Variants in ATP8A1 observed in about 807,000 individuals in gnomAD.
The protein encoded by ATP8A1 is phospholipid-transporting ATPase IA.
A neutral mutation model predicts 177.7 loss-of-function variants in ATP8A1; 90 were observed. The ratio of observed to expected loss-of-function variants is 0.51; its 90% CI spans 0.43 to 0.60. The LOEUF is 0.60. ATP8A1 is among the 20% of genes least tolerant of loss of function. The probability of loss-of-function intolerance (pLI) is 0.00; values close to 1 mark genes in which losing one functional copy is unlikely to be tolerated. For synonymous variants in ATP8A1, 493 were observed against 485.9 expected (o/e 1.01, Z -0.19); for missense variants, 1,072 against 1,392.8 (o/e 0.77, Z 3.67).
chr4:42,587,461 C>A (rs1310497337), intron 8 of ATP8A1, among the ~76,000 whole-genome samples: 2 of 151,886 alleles, frequency 1.3e-5, no homozygotes, highest in East Asian at 3.9e-4. Context: ...GCACATGCCA[C>A]CATGTCCGAC....
chr4:42,422,670 T>G (rs1457364865), intron 35 of ATP8A1, 137 bp downstream of exon 35: 15 of 660,134 alleles, frequency 2.3e-5, no homozygotes, highest in African/African-American at 3.6e-5. Flanking sequence ...AATCCACATG[T>G]CTCTGACTCC....
At chr4:42,541,090 C>T (rs1167453856) in intron 20 of ATP8A1, among the ~76,000 whole-genome samples, 1 of 151,890 alleles carries the variant, frequency 6.6e-6, no homozygotes, top group Non-Finnish European at 1.5e-5. Context: ...CACATCACTG[C>T]CCTCCAGCCT....
chr4:42,426,881 A>G (rs1204330143), intron 33 of ATP8A1, among the ~76,000 whole-genome samples: 3 of 152,228 alleles, frequency 2.0e-5, no homozygotes, highest in Non-Finnish European at 4.4e-5. Context: ...ATTCATCTCA[A>G]TTTGCCAATT....
chr4:42,423,518 C>A, intron 34 of ATP8A1, 99 bp downstream of exon 34: 1 of 709,602 alleles, frequency 1.4e-6, no homozygotes, highest in Non-Finnish European at 2.2e-6. Context: ...CAGTCCCTAT[C>A]CTGCAAGCTC....
chr4:42,494,694 T>C (rs1009861095), intron 24 of ATP8A1, among the ~76,000 whole-genome samples: 2 of 152,242 alleles, frequency 1.3e-5, no homozygotes, highest in Non-Finnish European at 2.9e-5. Context: ...ATTTTCTCTC[T>C]TAATTTCTGT....
chr4:42,509,977 T>C (rs1011161650), intron 22 of ATP8A1, among the ~76,000 whole-genome samples: 1 of 152,138 alleles, frequency 6.6e-6, no homozygotes, highest in African/African-American at 2.4e-5. Context: ...AAGAGAAGTG[T>C]AAATGCATGA....
At chr4:42,534,361 T>A (rs1222154939) in intron 20 of ATP8A1, among the ~76,000 whole-genome samples, 1 of 151,998 alleles carries the variant, frequency 6.6e-6, no homozygotes, top group African/African-American at 2.4e-5. Flanking sequence ...AGGCCACACT[T>A]AGAGAAATGG....
chr4:42,474,955 A>G (rs1383219433), intron 25 of ATP8A1, among the ~76,000 whole-genome samples: 1 of 152,244 alleles, frequency 6.6e-6, no homozygotes, highest in East Asian at 1.9e-4. Flanking sequence ...ATAAATGGGA[A>G]GAAATGAGGT....
chr4:42,587,186 T>C (rs1051181772), intron 8 of ATP8A1, among the ~76,000 whole-genome samples: 6 of 151,734 alleles, frequency 4.0e-5, no homozygotes, highest in African/African-American at 1.5e-4. Context: ...TGAGTGAGAG[T>C]TTTTGAATGG....
chr4:42,620,766 G>A (rs1737389686), intron 4 of ATP8A1, among the ~76,000 whole-genome samples: 1 of 152,204 alleles, frequency 6.6e-6, no homozygotes, highest in Non-Finnish European at 1.5e-5. Context: ...CATAGAGTAA[G>A]TACAACCTAG....
chr4:42,442,982 A>T (rs1012283113), intron 33 of ATP8A1, among the ~76,000 whole-genome samples: 1 of 152,202 alleles, frequency 6.6e-6, no homozygotes, highest in African/African-American at 2.4e-5. Flanking sequence ...ACACTCCCCC[A>T]TGAACACCTA....
At chr4:42,552,084 C>A (rs1232452002) in intron 17 of ATP8A1, among the ~76,000 whole-genome samples, 1 of 152,098 alleles carries the variant, frequency 6.6e-6, no homozygotes, top group African/African-American at 2.4e-5. Context: ...TTATCATTAA[C>A]AAAAGAGGAA....
intron 33 of ATP8A1, among the ~76,000 whole-genome samples, chr4:42,438,039 G>C (rs915247145): frequency 6.9e-6 from 1 of 145,838 alleles, no homozygotes; most frequent in Admixed American, 6.8e-5. Flanking sequence ...TACTTCGATG[G>C]GTGGCACTGA....
intron 1 of ATP8A1, among the ~76,000 whole-genome samples, chr4:42,654,991 C>T (rs543490352): frequency 6.6e-6 from 1 of 152,326 alleles, no homozygotes; most frequent in Non-Finnish European, 1.5e-5. Flanking sequence ...TTTGTCTTCA[C>T]CACAGTCCCA....
chr4:42,447,446 G>A (rs957221659), intron 30 of ATP8A1, among the ~76,000 whole-genome samples: 11 of 152,144 alleles, frequency 7.2e-5, no homozygotes, highest in African/African-American at 2.7e-4. Context: ...GCCTCCCAAA[G>A]CGCTGGGATT....
intron 20 of ATP8A1, among the ~76,000 whole-genome samples, chr4:42,536,413 TACAGAATCTCTGA>T (rs1284300411): frequency 6.6e-6 from 1 of 152,124 alleles, no homozygotes; most frequent in Non-Finnish European, 1.5e-5. Context: ...ACCAGGAAGA[TACAGAATCTCTGA>T]ACAGATCAGC....
chr4:42,506,940 G>A (rs1385850419), intron 23 of ATP8A1, 76 bp downstream of exon 23: 4 of 1,489,310 alleles, frequency 2.7e-6, no homozygotes, highest in African/African-American at 1.4e-5. Flanking sequence ...ATCTTGAAAT[G>A]TCTCAAATCC....
At chr4:42,461,895 A>G (rs1433183629) in intron 27 of ATP8A1, among the ~76,000 whole-genome samples, 1 of 152,184 alleles carries the variant, frequency 6.6e-6, no homozygotes, top group African/African-American at 2.4e-5. Context: ...GGAGATGAAG[A>G]ACTTGCTGGT....
rs1245668072 is a variant in ATP8A1 at position 42,409,199 on chromosome 4, T to C, written c.*3717A>G. On this transcript the variant is annotated 3_prime_UTR_variant, in exon 37 of 37. Coordinates refer to ENST00000381668, the MANE Select transcript of ATP8A1 (RefSeq NM_006095.2). The stretch of plus-strand genomic sequence containing the variant: ...GCATTGGCCTGGATCACTTTAAATA[T>C]GAACTCATGCAAACCATAAACCTAT... 1 of 152,196 alleles carries C rather than the reference T, an allele frequency of 6.6e-6. No individual in the cohort carries two copies. The highest frequency in any genetic ancestry group is 1.5e-5 in the Non-Finnish European group (1 of 68,016). 9.4% of individuals were successfully genotyped at this position (152,196 alleles called of 1,614,324 possible).
Sources: allele counts gnomAD v4.1 joint callset (sites outside exome capture counted in the v4.1 genomes callset), GRCh38; gene constraint gnomAD v4.1.1; transcripts MANE v1.5; gene names NCBI Gene and HGNC (gene_info 2026-07-23, HGNC 2026-07-21).